The following SLC67A1 variants were observed in gnomAD, a reference collection of about 807,000 sequenced individuals.
SLC67A1 encodes the protein solute carrier family 67 member 1, also known as solute carrier family 67 member A1.
At chr11:2,919,486 C>T in the SLC67A1 span, 2 of 1,061,328 alleles carry the variant, frequency 1.9e-6, no homozygotes, top group East Asian at 2.4e-5. Flanking sequence ...AGAGGCTCCT[C>T]CCCGGCGGAG....
At chr11:2,915,543 C>T in the SLC67A1 span, among the ~76,000 whole-genome samples, 4 of 152,246 alleles carry the variant, frequency 2.6e-5, no homozygotes, top group Non-Finnish European at 5.9e-5. Context: ...CTAATGATCA[C>T]TGCGGTCTCC....
chr11:2,913,852 G>A, the SLC67A1 span, among the ~76,000 whole-genome samples: 10 of 152,310 alleles, frequency 6.6e-5, no homozygotes, highest in Admixed American at 3.9e-4. Flanking sequence ...GCTTGTCACC[G>A]TAGAACACAC....
chr11:2,923,880 C>T, the SLC67A1 span, among the ~76,000 whole-genome samples: 567 of 152,358 alleles, frequency 3.7e-3, 3 homozygotes, highest in African/African-American at 0.012. The surrounding 1 kb of genome is among the most constrained non-coding windows in gnomAD (Gnocchi z 6.5). Context: ...GGGGCAGGAA[C>T]TGCACCCTGA....
the SLC67A1 span, among the ~76,000 whole-genome samples, chr11:2,905,715 G>A: frequency 1.3e-5 from 2 of 152,216 alleles, no homozygotes; most frequent in Non-Finnish European, 2.9e-5. Context: ...GATGGAAAGA[G>A]AGGAGGCTGC....
At chr11:2,919,695 C>T in the SLC67A1 span, 1 of 469,528 alleles carries the variant, frequency 2.1e-6, no homozygotes, top group Non-Finnish European at 3.8e-6. Flanking sequence ...GTCTCCCAAA[C>T]TCTCCAAATC....
At chr11:2,916,506 G>A in the SLC67A1 span, 2 of 737,854 alleles carry the variant, frequency 2.7e-6, no homozygotes, top group African/African-American at 3.5e-5. Flanking sequence ...CTGTGGGGAT[G>A]TGGGAGGTCA....
At chr11:2,909,129 C>T in the SLC67A1 span, 15 of 1,397,196 alleles carry the variant, frequency 1.1e-5, no homozygotes, top group East Asian at 5.5e-5. Context: ...GCCTGGGCAG[C>T]CCCTGGACGG....
the SLC67A1 span, chr11:2,909,732 G>A: frequency 2.0e-6 from 3 of 1,463,684 alleles, no homozygotes; most frequent in Admixed American, 2.5e-5. Flanking sequence ...GGGCCGGGGC[G>A]GAGTCTGTGG....
At chr11:2,908,760 C>A in the SLC67A1 span, among the ~76,000 whole-genome samples, 2 of 152,174 alleles carry the variant, frequency 1.3e-5, no homozygotes, top group Non-Finnish European at 2.9e-5. Context: ...CTCTTCAGAG[C>A]AACCCGTAGG....
chr11:2,913,953 G>A, the SLC67A1 span, among the ~76,000 whole-genome samples: 4 of 152,146 alleles, frequency 2.6e-5, no homozygotes, highest in South Asian at 2.1e-4. Context: ...TGTGGGCTGC[G>A]GTTGGTGGGC....
chr11:2,900,277 T>C, the SLC67A1 span, among the ~76,000 whole-genome samples: 1 of 152,320 alleles, frequency 6.6e-6, no homozygotes, highest in Admixed American at 6.5e-5. Flanking sequence ...AGCGGTACAC[T>C]GCACCCGTGG....
the SLC67A1 span, chr11:2,902,103 G>C: frequency 6.6e-6 from 1 of 152,244 alleles, no homozygotes; most frequent in African/African-American, 2.4e-5. Flanking sequence ...CGAGCCCGCT[G>C]GTGGGCGGGG....
the SLC67A1 span, chr11:2,903,586 G>A: frequency 2.9e-6 from 4 of 1,382,236 alleles, no homozygotes; most frequent in Non-Finnish European, 4.0e-6. Flanking sequence ...GGGGGTGGGG[G>A]TTTCATGCTG....
At chr11:2,923,844 AGCAGCTTGGAAACCCAGC>A in the SLC67A1 span, among the ~76,000 whole-genome samples, 6 of 152,354 alleles carry the variant, frequency 3.9e-5, no homozygotes, top group East Asian at 1.2e-3. The surrounding 1 kb of genome is among the most constrained non-coding windows in gnomAD (Gnocchi z 6.5). Context: ...GGTTCCCAGC[AGCAGCTTGGAAACCCAGC>A]GACAGAAGGG....
chr11:2,916,258 G>A, the SLC67A1 span: 2 of 226,478 alleles, frequency 8.8e-6, no homozygotes, highest in Admixed American at 5.8e-5. Context: ...TGCACACCAG[G>A]CTTGCCCTTT....
the SLC67A1 span, among the ~76,000 whole-genome samples, chr11:2,913,117 G>A: frequency 5.9e-5 from 9 of 152,162 alleles, no homozygotes; most frequent in African/African-American, 1.4e-4. Context: ...AGAGGCTCTC[G>A]GGGGCAGATA....
the SLC67A1 span, chr11:2,909,635 G>T: frequency 3.9e-6 from 6 of 1,534,602 alleles, no homozygotes; most frequent in Admixed American, 3.9e-5. Flanking sequence ...GCGGCCCTGG[G>T]CCGGCTGGGC....
At chr11:2,922,450 C>T in the SLC67A1 span, 6 of 1,611,456 alleles carry the variant, frequency 3.7e-6, no homozygotes, top group African/African-American at 1.3e-5. Context: ...GGATGTCCAG[C>T]GTCTTCCACT....
chr11:2,923,726 C>T, the SLC67A1 span, among the ~76,000 whole-genome samples: 7 of 152,194 alleles, frequency 4.6e-5, no homozygotes, highest in Non-Finnish European at 5.9e-5. The surrounding 1 kb of genome is among the most constrained non-coding windows in gnomAD (Gnocchi z 6.5). Context: ...GAGATGAGGA[C>T]CCGGCCTGGC....
Sources: gnomAD v4.1 joint callset for allele counts (sites outside exome capture counted in the v4.1 genomes callset) on GRCh38, gnomAD v4.1.1 for gene constraint, Gnocchi (gnomAD v3.1) non-coding constraint, MANE v1.5 for transcripts, NCBI Gene and HGNC (gene_info 2026-07-23, HGNC 2026-07-21) for gene names.